MAST1: variants seen among roughly 807,000 people sequenced by gnomAD.
MAST1 encodes the protein microtubule associated serine/threonine kinase 1, also known as microtubule-associated serine/threonine-protein kinase 1.
Under a neutral mutation model 124.6 loss-of-function variants are expected in MAST1, and 40 were observed. That is an observed-to-expected ratio of 0.32 (90% CI 0.25 to 0.42). MAST1 has a LOEUF of 0.42. MAST1 is among the 10% of genes least tolerant of loss of function. The pLI is 1.00. For synonymous variants in MAST1, 938 were observed against 939.4 expected (o/e 1.00, Z 0.03); for missense variants, 1,558 against 2,181.9 (o/e 0.71, Z 5.70).
chr19:12,864,928 C>G lies in MAST1; in HGVS notation c.1486C>G (p.Arg496Gly). Residue 496 changes from arginine to glycine, a missense_variant, in exon 13 of 26, where the codon CGC (arginine) becomes GGC (glycine). By Grantham distance (125) the Arg-to-Gly change is moderately radical (BLOSUM62 -2). Transcript: ENST00000251472. The stretch of plus-strand genomic sequence containing the variant: ...TTTGCACAACTATGGCATCGTGCAC[C>G]GCGACCTCAAGCCTGACAAGTGAGC... ...EYLHNYGIVHRDLKPDNLLIT... is the reference protein window; with the variant it reads ...EYLHNYGIVHGDLKPDNLLIT... 6.2e-7 allele frequency: 1 copy of G among 1,614,116 alleles called. No individual in the cohort carries two copies. The highest frequency in any genetic ancestry group is 8.5e-7 in the Non-Finnish European group (1 of 1,180,008).
intron 3 of MAST1, among the ~76,000 whole-genome samples, chr19:12,842,274 G>GTC (rs545357104): frequency 6.5e-4 from 98 of 151,072 alleles, no homozygotes; most frequent in African/African-American, 1.2e-3. Context: ...AGTGTTTACT[G>GTC]TCTCTCTCTC....
intron 12 of MAST1, among the ~76,000 whole-genome samples, chr19:12,862,008 T>C (rs1970089729): frequency 6.7e-6 from 1 of 149,970 alleles, no homozygotes; most frequent in Admixed American, 6.6e-5. Flanking sequence ...CCTTTTTTTT[T>C]TTTTTTTTTT....
Position 12,867,560 on chromosome 19 carries a change from C to T in MAST1, c.2226C>T (p.Thr742=), listed in dbSNP as rs893137288. The part of the protein sequence containing the change: ...AAGSSKREPS[T]KGPEEKVAGK... Reference sequence around the variant, plus strand: ...GGAGCAGCAAGCGGGAGCCGAGCACCAAGGGCCCCGAGGAGAAGGTGGCCG... The same window carrying T: ...GGAGCAGCAAGCGGGAGCCGAGCACTAAGGGCCCCGAGGAGAAGGTGGCCG... The change falls in exon 19 of 26, where the codon ACC becomes ACT. Residue 742 remains threonine, a synonymous_variant. Coordinates refer to ENST00000251472, the MANE Select transcript of MAST1 (RefSeq NM_014975.3). 2.5e-6 allele frequency: 4 copies of T among 1,613,536 alleles called. No individual in the cohort carries two copies. In the African/African-American group the frequency reaches 4.0e-5, roughly 16 times the overall value.
intron 24 of MAST1, among the ~76,000 whole-genome samples, chr19:12,872,994 A>C (rs983422414): frequency 3.3e-5 from 5 of 151,152 alleles, no homozygotes; most frequent in Non-Finnish European, 5.9e-5. Flanking sequence ...CTGAAGTAGG[A>C]GGAGCTAAAG....
chr19:12,839,809 G>T (rs998105972), intron 1 of MAST1, among the ~76,000 whole-genome samples: 1 of 152,154 alleles, frequency 6.6e-6, no homozygotes, highest in Non-Finnish European at 1.5e-5. Flanking sequence ...TCAGGAGGGT[G>T]AGGTGAGGCG....
rs1273890719 is a variant in MAST1 at position 12,838,545 on chromosome 19, C to T, written c.-28C>T. On this transcript the variant is annotated 5_prime_UTR_variant, in exon 1 of 26. Transcript: ENST00000251472. The surrounding 1 kb of genome is among the most constrained non-coding windows in gnomAD (Gnocchi z 4.3). ...CGCCGCCTCCGCCGCTGCTGCCGCA[C>T]CTGCCACCATGTCGCCGCCGCCGGG... 24 of 1,498,598 alleles carry T rather than the reference C, an allele frequency of 1.6e-5. No individual in the cohort carries two copies. Among genetic ancestry groups the T allele is most frequent in the Non-Finnish European group, 2.1e-5 (24 of 1,119,180 alleles). 92.8% of individuals were successfully genotyped at this position (1,498,598 alleles called of 1,614,324 possible).
rs1969793506 is a variant in MAST1, at chr19:12,838,934, G to A, written c.83+279G>A. Among the ~76,000 whole-genome samples the A allele has an allele frequency of 6.6e-6, 1 of 151,852 alleles. No homozygotes were observed. Among genetic ancestry groups the A allele is most frequent in the Admixed American group, 6.6e-5 (1 of 15,258 alleles). On this transcript the variant is annotated intron_variant, in intron 1 of 25. Coordinates refer to ENST00000251472, the MANE Select transcript of MAST1 (RefSeq NM_014975.3). The surrounding 1 kb of genome is among the most constrained non-coding windows in gnomAD (Gnocchi z 4.3). ...CTGGCGCTGCGGGCTCCAACAGCCT[G>A]GTGGGGGTAGAGGAAGAAGGGGAGG... is the stretch of plus-strand genomic sequence containing the variant.
chr19:12,850,490 A>G (rs1969947404), intron 7 of MAST1, among the ~76,000 whole-genome samples: 1 of 152,136 alleles, frequency 6.6e-6, no homozygotes. Flanking sequence ...ATAAATGAAA[A>G]CCCAACATTA....
chr19:12,860,996 A>T (rs962340984), intron 12 of MAST1, among the ~76,000 whole-genome samples: 9 of 152,018 alleles, frequency 5.9e-5, no homozygotes, highest in African/African-American at 2.2e-4. Flanking sequence ...TCTCCCCGCC[A>T]TGGAGATTCC....
In MAST1 at chr19:12,847,823, C is replaced by G; in HGVS notation, c.565-25C>G. The G allele has an allele frequency of 3.8e-6, 6 of 1,592,970 alleles. No individual in the cohort carries two copies. The South Asian group carries it at 6.7e-5, about 18-fold the overall frequency. On this transcript the variant is annotated intron_variant, in intron 6 of 25. Coordinates refer to ENST00000251472, the MANE Select transcript of MAST1 (RefSeq NM_014975.3). This position sits in a 1 kb window ranked among gnomAD's most constrained non-coding sequence, Gnocchi z 5.5. ...GCCGCAGCCTTCGGGCACAGCCCCG[C>G]GCCCCTCCTCCGTCCCTCCCGCAGG...
At chr19:12,846,051 C>T (rs115671785) in intron 4 of MAST1, among the ~76,000 whole-genome samples, 2 of 151,950 alleles carry the variant, frequency 1.3e-5, no homozygotes, top group African/African-American at 4.8e-5. Context: ...GACCCTGTCT[C>T]TGCAAAAAAG....
intron 22 of MAST1, 143 bp from the exon 23 acceptor site, chr19:12,870,681 G>T (rs1396676837): frequency 1.7e-5 from 12 of 710,734 alleles, no homozygotes; most frequent in Middle Eastern, 3.1e-4. Flanking sequence ...AAAAAAAAAT[G>T]TGGGGGGAGG....
intron 10 of MAST1, among the ~76,000 whole-genome samples, chr19:12,857,828 GAGC>G (rs538771692): frequency 6.8e-4 from 103 of 152,052 alleles, no homozygotes; most frequent in Non-Finnish European, 1.3e-3. Flanking sequence ...AGGAGTTCAA[GAGC>G]AGCCTGGGCA....
intron 10 of MAST1, among the ~76,000 whole-genome samples, chr19:12,853,714 A>G (rs1258587516): frequency 6.6e-6 from 1 of 151,526 alleles, no homozygotes; most frequent in Non-Finnish European, 1.5e-5. Flanking sequence ...CTAAAAATAC[A>G]AAAAAATTAG....
intron 10 of MAST1, among the ~76,000 whole-genome samples, chr19:12,855,966 G>A (rs1373169741): frequency 1.4e-5 from 2 of 146,120 alleles, no homozygotes; most frequent in African/African-American, 5.0e-5. Flanking sequence ...TGCCATTTTG[G>A]TTTTTATTTG....
chr19:12,865,885 C>T lies in MAST1; in HGVS notation c.1906+67C>T. On this transcript the variant is annotated intron_variant, in intron 16 of 25. Transcript: ENST00000251472. The surrounding 1 kb of genome is among the most constrained non-coding windows in gnomAD (Gnocchi z 7.1). ...GAGCAGGCCTCCAAAACCCCAGGCC[C>T]AGCCTGTGCTGTGGCCCCGGGGCGG... 6.2e-7 allele frequency: 1 copy of T among 1,603,840 alleles called. No homozygotes were observed. The highest frequency in any genetic ancestry group is 8.5e-7 in the Non-Finnish European group (1 of 1,172,868).
In MAST1 at chr19:12,866,623, C is replaced by T. The variant is rs947458786; in HGVS notation, c.2030-30C>T. 6 of 1,471,264 alleles carry T rather than the reference C, an allele frequency of 4.1e-6. No individual in the cohort carries two copies. In the African/African-American group the frequency reaches 8.4e-5, roughly 21 times the overall value. The allele number at this position is 1,471,264 out of a possible 1,614,324, so 91.1% of individuals were successfully genotyped here. Reference sequence around the variant, plus strand: ...TGTGATATGAGGAGGAACCCCGTACCCTCAGTCACAGCCCATACCCGCTCC... The same window carrying T: ...TGTGATATGAGGAGGAACCCCGTACTCTCAGTCACAGCCCATACCCGCTCC... On this transcript the variant is annotated intron_variant, in intron 17 of 25. Transcript: ENST00000251472. This position sits in a 1 kb window ranked among gnomAD's most constrained non-coding sequence, Gnocchi z 5.2.
At position 12,858,385 on chromosome 19, in the gene MAST1, A is replaced by C. The variant is rs1599584558; in HGVS notation, c.1101A>C (p.Lys367Asn). ...AGGGCCGCAGCAGCAAGGCCAAGAA[A>C]CCGCCGGGGGAGAATGACTTCGATA... ...LSEGRSSKAK[K>N]PPGENDFDTI... is the part of the protein sequence containing the mutation. The change falls in exon 11 of 26, where the codon AAA (lysine) becomes AAC (asparagine). Residue 367 changes from lysine (K) to asparagine (N), a missense_variant. Coordinates refer to ENST00000251472, the MANE Select transcript of MAST1 (RefSeq NM_014975.3). The C allele has an allele frequency of 1.2e-6, 2 of 1,613,878 alleles. No individual in the cohort carries two copies. Among genetic ancestry groups the C allele is most frequent in the Non-Finnish European group, 1.7e-6 (2 of 1,179,936 alleles).
intron 10 of MAST1, among the ~76,000 whole-genome samples, chr19:12,853,498 G>T (rs1969986925): frequency 6.6e-6 from 1 of 151,968 alleles, no homozygotes. Flanking sequence ...CAAGGCTTCA[G>T]TAAGCCATGA....
Sources: gnomAD v4.1 joint callset for allele counts (sites outside exome capture counted in the v4.1 genomes callset) on GRCh38, gnomAD v4.1.1 for gene constraint, Gnocchi (gnomAD v3.1) non-coding constraint, MANE v1.5 for transcripts, NCBI Gene and HGNC (gene_info 2026-07-23, HGNC 2026-07-21) for gene names.